Variants in NLGN1 observed in about 807,000 individuals in gnomAD.
NLGN1 encodes neuroligin-1.
A neutral mutation model predicts 65.5 loss-of-function variants in NLGN1; 12 were observed. The observed-to-expected ratio is 0.18, with a 90% CI of 0.12 to 0.30. The LOEUF (loss-of-function observed/expected upper bound fraction) is 0.30. NLGN1 is among the 10% of genes least tolerant of loss of function. The pLI is 1.00. For synonymous variants in NLGN1, 350 were observed against 359.5 expected (o/e 0.97, Z 0.30); for missense variants, 750 against 1,007.1 (o/e 0.74, Z 3.46).
Position 174,085,127 on chromosome 3 carries a change from G to A in NLGN1, c.647-190188G>A, listed in dbSNP as rs185357116. Among the ~76,000 whole-genome samples, 93 of 152,044 alleles carry A rather than the reference G, an allele frequency of 6.1e-4. 2 individuals carry two copies. The highest frequency in any genetic ancestry group is 2.1e-3 in the African/African-American group (88 of 41,556). On this transcript the variant is annotated intron_variant, in intron 4 of 6. Transcript: ENST00000457714. ...ATTATTTCTTAAAATTTGCTCCTTA[G>A]GGATGGATAGATAATGTGATAAAGC...
chr3:173,734,090 T>G (rs1773322155), intron 3 of NLGN1, among the ~76,000 whole-genome samples: 1 of 152,116 alleles, frequency 6.6e-6, no homozygotes, highest in South Asian at 2.1e-4. Flanking sequence ...CTAATGAAAG[T>G]CCTGGATGTC....
At chr3:173,506,973 A>G (rs750054314) in intron 2 of NLGN1, among the ~76,000 whole-genome samples, 11 of 152,174 alleles carry the variant, frequency 7.2e-5, no homozygotes, top group Non-Finnish European at 1.6e-4. Context: ...ATGGTTGTGC[A>G]AGTGTCTTGC....
chr3:173,643,475 A>C (rs551004906), intron 3 of NLGN1, among the ~76,000 whole-genome samples: 1 of 152,344 alleles, frequency 6.6e-6, no homozygotes, highest in African/African-American at 2.4e-5. Context: ...TAGCAGCAGA[A>C]TTTTAATCAG....
chr3:173,675,868 G>GTCTCTCTC (rs10635715), intron 3 of NLGN1, among the ~76,000 whole-genome samples: 1,447 of 132,504 alleles, frequency 0.011, 27 homozygotes, highest in African/African-American at 0.029. Flanking sequence ...CTCTCTCTTT[G>GTCTCTCTC]TCTCTCTCTC....
intron 3 of NLGN1, among the ~76,000 whole-genome samples, chr3:173,704,353 T>G (rs1336045667): frequency 1.3e-5 from 2 of 152,224 alleles, no homozygotes; most frequent in African/African-American, 4.8e-5. Flanking sequence ...CTGTAGTCTT[T>G]CAGTATGTAT....
At chr3:174,146,152 C>CCTTT (rs1723235102) in intron 4 of NLGN1, among the ~76,000 whole-genome samples, 1 of 145,578 alleles carries the variant, frequency 6.9e-6, no homozygotes, top group East Asian at 2.0e-4. Flanking sequence ...TTCCTTCCTT[C>CCTTT]CTCTCTCCCT....
chr3:174,288,440 C>G (rs183415417), downstream of NLGN1, among the ~76,000 whole-genome samples: 45 of 151,576 alleles, frequency 3.0e-4, no homozygotes, highest in Admixed American at 2.9e-3. Context: ...AATTCTAAAA[C>G]AGCTGGCTGC....
intron 4 of NLGN1, among the ~76,000 whole-genome samples, chr3:174,122,487 T>G (rs1189037344): frequency 1.3e-5 from 2 of 152,188 alleles, no homozygotes; most frequent in East Asian, 3.9e-4. Flanking sequence ...CAGGATCCCT[T>G]AGTCTTTTAT....
At chr3:173,500,341 T>C (rs1457739494) in intron 2 of NLGN1, among the ~76,000 whole-genome samples, 3 of 152,214 alleles carry the variant, frequency 2.0e-5, no homozygotes, top group Admixed American at 6.5e-5. Flanking sequence ...TCTGTTTATA[T>C]GCTGGATTAC....
At chr3:173,555,413 G>A (rs535430206) in intron 2 of NLGN1, among the ~76,000 whole-genome samples, 2 of 152,228 alleles carry the variant, frequency 1.3e-5, no homozygotes, top group African/African-American at 4.8e-5. Flanking sequence ...TCTAATCTTA[G>A]GAGAATTATT....
intron 1 of NLGN1, among the ~76,000 whole-genome samples, chr3:173,421,351 T>C (rs11923540): frequency 0.061 from 9,312 of 151,912 alleles, 956 homozygotes; most frequent in African/African-American, 0.21. Flanking sequence ...TGTACATTTT[T>C]TACAAATAAG....
intron 3 of NLGN1, among the ~76,000 whole-genome samples, chr3:173,771,703 T>TA (rs1212762321): frequency 5.9e-4 from 23 of 39,004 alleles, no homozygotes; most frequent in African/African-American, 1.6e-3. Context: ...TTAAAACATG[T>TA]AATGGTAACA....
intron 4 of NLGN1, among the ~76,000 whole-genome samples, chr3:173,835,901 T>A (rs1478739207): frequency 6.6e-6 from 1 of 152,156 alleles, no homozygotes; most frequent in Non-Finnish European, 1.5e-5. Flanking sequence ...TACATTAGCA[T>A]TTGTGAATTA....
intron 4 of NLGN1, among the ~76,000 whole-genome samples, chr3:173,874,674 A>G (rs892099327): frequency 3.9e-5 from 6 of 152,204 alleles, no homozygotes; most frequent in Admixed American, 2.0e-4. Flanking sequence ...CCCCTCATCC[A>G]AGTTCCACAG....
intron 2 of NLGN1, among the ~76,000 whole-genome samples, chr3:173,446,850 C>A (rs567498827): frequency 6.6e-6 from 1 of 152,320 alleles, no homozygotes; most frequent in East Asian, 1.9e-4. Context: ...TTTTTGGCTG[C>A]ATAAATGTCT....
chr3:174,273,324 T>G (rs1749843285), intron 4 of NLGN1, among the ~76,000 whole-genome samples: 1 of 151,606 alleles, frequency 6.6e-6, no homozygotes, highest in African/African-American at 2.4e-5. Context: ...CATATCCTTT[T>G]TCCTTCAAGA....
chr3:174,101,702 C>G (rs1490366713), intron 4 of NLGN1, among the ~76,000 whole-genome samples: 1 of 152,154 alleles, frequency 6.6e-6, no homozygotes, highest in Non-Finnish European at 1.5e-5. Context: ...CAGGCCCTCG[C>G]ACAATAGTGC....
rs141445965 is a variant in NLGN1, at chr3:173,683,792, C to T, written c.493+78701C>T. 2.4e-3 allele frequency among the ~76,000 whole-genome samples: 362 copies of T among 152,128 alleles called. 1 individual carries two copies. The highest frequency in any genetic ancestry group is 0.01 in the Middle Eastern group (3 of 292). ...GAAGGGTGGGTCAGGTATAGTGCTT[C>T]GTGCTTTGCATATGTTTTCAAATGT... is the stretch of plus-strand genomic sequence containing the variant. On this transcript the variant is annotated intron_variant, in intron 3 of 6. Coordinates refer to ENST00000457714, the Ensembl canonical transcript of NLGN1.
At chr3:173,864,770 G>A (rs1355909856) in intron 4 of NLGN1, among the ~76,000 whole-genome samples, 3 of 152,108 alleles carry the variant, frequency 2.0e-5, no homozygotes, top group Admixed American at 2.0e-4. Context: ...TTTCACATTG[G>A]CATATGCATC....
Sources: allele counts gnomAD v4.1 joint callset (sites outside exome capture counted in the v4.1 genomes callset), GRCh38; gene constraint gnomAD v4.1.1; transcripts MANE v1.5; gene names NCBI Gene and HGNC (gene_info 2026-07-23, HGNC 2026-07-21).